Variants in PNOC observed in about 807,000 individuals in gnomAD.
The protein encoded by PNOC is nociceptin.
In PNOC, 10 loss-of-function variants were observed where a neutral mutation model predicts 15.6. The ratio of observed to expected loss-of-function variants is 0.64; its 90% CI spans 0.40 to 1.09. The LOEUF (loss-of-function observed/expected upper bound fraction) is 1.09, where lower values mean the gene tolerates loss of function less well. PNOC is among the 50% of genes least tolerant of loss of function. The pLI is 0.01. For missense variants in PNOC, 220 were observed against 223.9 expected, an observed-to-expected ratio of 0.98 and a Z score of 0.11; for synonymous variants, 98 against 88.5, an observed-to-expected ratio of 1.11 and a Z score of -0.60.
At chr8:28,321,350 C>T (rs1169586226) in intron 1 of PNOC, among the ~76,000 whole-genome samples, 2 of 151,084 alleles carry the variant, frequency 1.3e-5, no homozygotes, top group Admixed American at 1.3e-4. Flanking sequence ...TAAAAGCTTT[C>T]CAAAATCTAT....
chr8:28,337,684 G>A (rs1170509164), intron 2 of PNOC, among the ~76,000 whole-genome samples: 5 of 146,588 alleles, frequency 3.4e-5, no homozygotes, highest in African/African-American at 7.5e-5. Flanking sequence ...CCGGGTTCAC[G>A]CCATTCTCCT....
intron 3 of PNOC, chr8:28,339,698 G>C: frequency 2.5e-6 from 1 of 394,486 alleles, no homozygotes; most frequent in Admixed American, 4.1e-5. Context: ...TCCGGCTAGA[G>C]ACTGGTTACC....
chr8:28,317,835 G>A (rs1284611303), intron 1 of PNOC, among the ~76,000 whole-genome samples: 3 of 152,126 alleles, frequency 2.0e-5, no homozygotes, highest in Admixed American at 1.3e-4. Context: ...TTTTAATCCG[G>A]AGGGAGCCCT....
At chr8:28,337,887 G>A (rs138309431) in intron 2 of PNOC, among the ~76,000 whole-genome samples, 3,561 of 152,120 alleles carry the variant, frequency 0.023, 64 homozygotes, top group Middle Eastern at 0.048. Flanking sequence ...CACCGCACCC[G>A]GCCTACACTT....
chr8:28,330,398 T>TTTTTTTATTTTTA (rs1554517537), intron 2 of PNOC, among the ~76,000 whole-genome samples: 18 of 100,716 alleles, frequency 1.8e-4, no homozygotes, highest in African/African-American at 5.8e-4. Context: ...TTTATTTTAT[T>TTTTTTTATTTTTA]TTTTTTTTTT....
Position 28,339,482 on chromosome 8 carries a change from C to T in PNOC, c.*38C>T. On this transcript the variant is annotated 3_prime_UTR_variant, in exon 3 of 4. Transcript: ENST00000301908. ...CTCCTCCCAGCTGTACCGGCCACTG[C>T]AACCCATGAGTGAGTTGGGCACCAA... The T allele has an allele frequency of 6.7e-7, 1 of 1,502,930 alleles. No individual in the cohort carries two copies. Among genetic ancestry groups the T allele is most frequent in the Non-Finnish European group, 8.9e-7 (1 of 1,127,370 alleles). The allele number at this position is 1,502,930 out of a possible 1,614,324, so 93.1% of individuals were successfully genotyped here.
chr8:28,341,803 T>C (rs1386712275), intron 3 of PNOC, among the ~76,000 whole-genome samples: 1 of 152,224 alleles, frequency 6.6e-6, no homozygotes, highest in Non-Finnish European at 1.5e-5. Context: ...ATCTCTCTGC[T>C]TCTTTTCCCC....
At chr8:28,340,747 G>A (rs947065177) in intron 3 of PNOC, among the ~76,000 whole-genome samples, 5 of 152,202 alleles carry the variant, frequency 3.3e-5, no homozygotes, top group African/African-American at 1.2e-4. Context: ...CATGGCAGAA[G>A]GCAAGGGGAG....
chr8:28,335,919 GA>G lies in PNOC; in HGVS notation c.127-3109del, dbSNP rs113025711. On this transcript the variant is annotated intron_variant, in intron 2 of 3. Transcript: ENST00000301908. ...CCAGGTGTGGGCTCTGTCTCCAAAG[GA>G]AAAAAAAAAAAGAATAAAAGAATCC... Among the ~76,000 whole-genome samples the G allele has an allele frequency of 8.5e-3, 613 of 72,324 alleles. 1 individual carries two copies. Among genetic ancestry groups the G allele is most frequent in the Admixed American group, 0.01 (77 of 7,662 alleles). The allele number at this position is 72,324 out of a possible 152,430, so 47.4% of individuals were successfully genotyped here.
intron 2 of PNOC, among the ~76,000 whole-genome samples, chr8:28,336,645 T>C (rs1300496794): frequency 6.6e-6 from 1 of 152,178 alleles, no homozygotes; most frequent in Admixed American, 6.5e-5. Flanking sequence ...AGTTTGGAGC[T>C]GTTTTATGGA....
intron 1 of PNOC, among the ~76,000 whole-genome samples, chr8:28,322,135 C>A (rs1275295828): frequency 6.6e-6 from 1 of 152,090 alleles, no homozygotes; most frequent in East Asian, 1.9e-4. Flanking sequence ...TGCCTGTAAT[C>A]CCAGCACCTT....
rs552392649 is a variant in PNOC at position 28,326,442 on chromosome 8, C to T, written c.-23-2693C>T. Among the ~76,000 whole-genome samples the T allele has an allele frequency of 3.3e-4, 50 of 152,242 alleles. No homozygotes were observed. The South Asian group carries it at 0.01, about 32-fold the overall frequency. On this transcript the variant is annotated intron_variant, in intron 1 of 3. Coordinates refer to ENST00000301908, the MANE Select transcript of PNOC (RefSeq NM_006228.5). ...CTGGGTATGAAATGCTTTGATGACG[C>T]ACAAGAAGAACTGGGGTGGGCTCAG...
intron 1 of PNOC, among the ~76,000 whole-genome samples, chr8:28,325,046 A>G (rs1178167957): frequency 6.6e-6 from 1 of 152,224 alleles, no homozygotes; most frequent in African/African-American, 2.4e-5. Context: ...ATGAGAGGTC[A>G]AGTACAGCTA....
chr8:28,330,091 C>T lies in PNOC; in HGVS notation c.126+808C>T, dbSNP rs559304121. Among the ~76,000 whole-genome samples, 22 of 151,956 alleles carry T rather than the reference C, an allele frequency of 1.4e-4. No individual in the cohort carries two copies. The South Asian group carries it at 1.9e-3, about 13-fold the overall frequency. ...CCTCCCAAGTAGCTGGGATTACAGACGCCCACCACCACGCCCCGCTATTTT... is the reference window on the plus strand; with the variant it reads ...CCTCCCAAGTAGCTGGGATTACAGATGCCCACCACCACGCCCCGCTATTTT... On this transcript the variant is annotated intron_variant, in intron 2 of 3. Coordinates refer to ENST00000301908, the MANE Select transcript of PNOC (RefSeq NM_006228.5).
chr8:28,334,953 A>G (rs1801387723), intron 2 of PNOC, among the ~76,000 whole-genome samples: 1 of 152,222 alleles, frequency 6.6e-6, no homozygotes, highest in South Asian at 2.1e-4. Context: ...TCATTCTGTC[A>G]GCAACTAGGT....
At chr8:28,318,093 T>G (rs141387650) in intron 1 of PNOC, among the ~76,000 whole-genome samples, 195 of 152,210 alleles carry the variant, frequency 1.3e-3, no homozygotes, top group African/African-American at 4.1e-3. Context: ...TGCAGAATAC[T>G]CCGTTCATAG....
intron 1 of PNOC, among the ~76,000 whole-genome samples, chr8:28,322,491 G>A (rs528638115): frequency 3.7e-4 from 56 of 152,322 alleles, no homozygotes; most frequent in South Asian, 8.3e-4. Context: ...CAGCTGCTGG[G>A]ATCACTGACA....
At chr8:28,329,411 A>T in intron 2 of PNOC, 128 bp downstream of exon 2, 1 of 1,036,390 alleles carries the variant, frequency 9.6e-7, no homozygotes, top group Non-Finnish European at 1.4e-6. Context: ...GCTCAGCATT[A>T]CATGGCCCAT....
chr8:28,323,594 C>G (rs2129850856), intron 1 of PNOC, among the ~76,000 whole-genome samples: 1 of 152,326 alleles, frequency 6.6e-6, no homozygotes, highest in Admixed American at 6.5e-5. Flanking sequence ...AAGGACTGAC[C>G]ATCTCAGGAC....
Sources: allele counts gnomAD v4.1 joint callset (sites outside exome capture counted in the v4.1 genomes callset), GRCh38; gene constraint gnomAD v4.1.1; transcripts MANE v1.5; gene names NCBI Gene and HGNC (gene_info 2026-07-23, HGNC 2026-07-21).